The following TULP4 variants were observed in gnomAD, a reference collection of about 807,000 sequenced individuals.
The protein encoded by TULP4 is TUB like protein 4.
Under a neutral mutation model 129.0 loss-of-function variants are expected in TULP4, and 16 were observed. That is an observed-to-expected ratio of 0.12 (90% confidence interval 0.08 to 0.19). The LOEUF is 0.19. Among genes scored for constraint, TULP4 ranks in the 10% least tolerant of loss-of-function variants. The pLI, the probability that TULP4 is intolerant of heterozygous loss-of-function variation, is 1.00. For missense variants in TULP4, 1,842 were observed against 2,059.1 expected (o/e 0.89, Z 2.04); for synonymous variants, 998 against 854.0 (o/e 1.17, Z -2.94).
At chr6:158,287,966 A>T (rs1054938808) in intron 1 of TULP4, among the ~76,000 whole-genome samples, 2 of 152,172 alleles carry the variant, frequency 1.3e-5, no homozygotes, top group African/African-American at 4.8e-5. Flanking sequence ...CCTTTAGCCC[A>T]CTGGCAAAAC....
chr6:158,380,910 A>AAAAAGAAG (rs779845034), intron 1 of TULP4, among the ~76,000 whole-genome samples: 2 of 135,136 alleles, frequency 1.5e-5, no homozygotes, highest in African/African-American at 5.1e-5. Flanking sequence ...AAAAAAAAAA[A>AAAAAGAAG]AAGAAGAAGA....
At chr6:158,448,263 C>T (rs1467998027) in intron 3 of TULP4, among the ~76,000 whole-genome samples, 1 of 152,114 alleles carries the variant, frequency 6.6e-6, no homozygotes, top group Non-Finnish European at 1.5e-5. Context: ...GAGGAGCAGC[C>T]CTCAGCACAC....
intron 1 of TULP4, among the ~76,000 whole-genome samples, chr6:158,322,814 G>A (rs1562519865): frequency 6.6e-6 from 1 of 152,306 alleles, no homozygotes; most frequent in East Asian, 1.9e-4. Context: ...TAGCATGAGG[G>A]TGAAACGTGG....
intron 1 of TULP4, among the ~76,000 whole-genome samples, chr6:158,392,327 A>G (rs1777602099): frequency 6.6e-6 from 1 of 152,190 alleles, no homozygotes; most frequent in Admixed American, 6.5e-5. Flanking sequence ...CCCTCCCACA[A>G]CACGTGGGAA....
At chr6:158,277,602 C>T (rs963238943), upstream of TULP4, among the ~76,000 whole-genome samples, 17 of 152,150 alleles carry the variant, frequency 1.1e-4, no homozygotes, top group Non-Finnish European at 2.1e-4. Context: ...AACTCTTGCC[C>T]CATCCCTCCC....
intron 1 of TULP4, among the ~76,000 whole-genome samples, chr6:158,380,474 T>C (rs1235807612): frequency 6.6e-6 from 1 of 152,198 alleles, no homozygotes; most frequent in Non-Finnish European, 1.5e-5. Flanking sequence ...TTGTGTGTAC[T>C]GAAGGGCAGG....
At chr6:158,403,889 A>G (rs1221266438) in intron 1 of TULP4, among the ~76,000 whole-genome samples, 1 of 152,130 alleles carries the variant, frequency 6.6e-6, no homozygotes, top group East Asian at 1.9e-4. Context: ...TAAACTTAGG[A>G]ACTGCATCTA....
At chr6:158,246,729 A>G (rs1305867601) in intron 1 of TULP4, among the ~76,000 whole-genome samples, 1 of 152,180 alleles carries the variant, frequency 6.6e-6, no homozygotes, top group African/African-American at 2.4e-5. Context: ...TTTTCCTTTT[A>G]AATATGGCTA....
chr6:158,254,773 T>G lies in TULP4; in HGVS notation n.68+22470T>G, dbSNP rs192118796. ...GAGACTTGAGTCTGCATCTCCTGAT[T>G]AAAAACTCTGTGTTCCGGCCAGGTG... is the stretch of plus-strand genomic sequence containing the variant. On this transcript the variant is annotated intron_variant and non_coding_transcript_variant, in intron 1 of 1. Transcript: ENST00000620026. 3.0e-3 allele frequency among the ~76,000 whole-genome samples: 453 copies of G among 152,332 alleles called. 1 individual carries two copies. The highest frequency in any genetic ancestry group is 0.01 in the Middle Eastern group (3 of 294).
At chr6:158,283,144 A>C (rs1377894827) in intron 1 of TULP4, among the ~76,000 whole-genome samples, 1 of 151,696 alleles carries the variant, frequency 6.6e-6, no homozygotes, top group African/African-American at 2.4e-5. Context: ...GTCTCAAAAA[A>C]AAAAAAACAA....
chr6:158,387,392 T>G (rs1307983222), intron 1 of TULP4, among the ~76,000 whole-genome samples: 3 of 152,186 alleles, frequency 2.0e-5, no homozygotes, highest in African/African-American at 7.2e-5. Flanking sequence ...AAATTGGGAC[T>G]GTACAGTGGC....
At position 158,507,761 on chromosome 6, in the gene TULP4, A is replaced by C. The variant is rs1371093762; in HGVS notation, c.*1067A>C. ...ATTCTAAAAGTGTGGACAACGCTTGATTTGAAACCACTCCTTTTCTCCTCT... is the reference window on the plus strand; with the variant it reads ...ATTCTAAAAGTGTGGACAACGCTTGCTTTGAAACCACTCCTTTTCTCCTCT... On this transcript the variant is annotated 3_prime_UTR_variant, in exon 14 of 14. Transcript: ENST00000367097. The C allele has an allele frequency of 2.0e-5, 3 of 152,212 alleles. No individual in the cohort carries two copies. The highest frequency in any genetic ancestry group is 2.0e-4 in the Admixed American group (3 of 15,280). 9.4% of individuals were successfully genotyped at this position (152,212 alleles called of 1,614,324 possible). A position where few individuals can be genotyped will look rare whatever the true frequency, so the allele number is the denominator to read the frequency against.
chr6:158,438,446 G>A (rs760279283), intron 3 of TULP4, among the ~76,000 whole-genome samples: 5 of 152,192 alleles, frequency 3.3e-5, no homozygotes, highest in Admixed American at 6.5e-5. Context: ...CTGCAGCACC[G>A]GAGAGGCACG....
At chr6:158,496,365 TG>T (rs1443644525) in intron 11 of TULP4, among the ~76,000 whole-genome samples, 1 of 152,260 alleles carries the variant, frequency 6.6e-6, no homozygotes, top group African/African-American at 2.4e-5. Flanking sequence ...ACAGATTAGA[TG>T]TTAGAAAGAC....
intron 1 of TULP4, among the ~76,000 whole-genome samples, chr6:158,353,957 G>C (rs1780583205): frequency 6.6e-6 from 1 of 152,238 alleles, no homozygotes; most frequent in African/African-American, 2.4e-5. Context: ...CATCTTCTCT[G>C]AATCAGCTGC....
At chr6:158,270,717 T>C (rs551671981) in intron 1 of TULP4, among the ~76,000 whole-genome samples, 1 of 152,354 alleles carries the variant, frequency 6.6e-6, no homozygotes, top group East Asian at 1.9e-4. Flanking sequence ...CAAAATTTCT[T>C]CCTGAAGTTT....
chr6:158,481,139 C>T lies in TULP4; in HGVS notation c.1336C>T (p.Arg446Cys), dbSNP rs1333534414. The change falls in exon 8 of 14, where the codon CGC becomes TGC. Residue 446 changes from arginine (R) to cysteine (C), a missense_variant. Around this residue, in one of 5 missense-constraint regions of TULP4, gnomAD observed 456 missense variants for 534.3 expected, o/e 0.85. Transcript: ENST00000367097. ...CGAGCGGCTGCACTGCACCATGAAG[C>T]GCACAGAGGACGACCCGGAGGTGGG... ...GNERLHCTMK[R>C]TEDDPEVGGP... The T allele has an allele frequency of 6.2e-7, 1 of 1,613,558 alleles. No homozygotes were observed. The highest frequency in any genetic ancestry group is 1.7e-5 in the Admixed American group (1 of 60,016).
chr6:158,365,570 A>G (rs886347564), intron 1 of TULP4, among the ~76,000 whole-genome samples: 11 of 150,202 alleles, frequency 7.3e-5, no homozygotes, highest in Admixed American at 2.7e-4. Context: ...TCCGCCTCGC[A>G]GGTTCACGCC....
intron 1 of TULP4, among the ~76,000 whole-genome samples, chr6:158,340,457 TG>T (rs1277001940): frequency 6.6e-6 from 1 of 152,084 alleles, no homozygotes; most frequent in Non-Finnish European, 1.5e-5. Flanking sequence ...TGAGCGTGTG[TG>T]GGTGTGCATA....
Sources: allele counts gnomAD v4.1 joint callset (sites outside exome capture counted in the v4.1 genomes callset), GRCh38; gene constraint gnomAD v4.1.1; regional missense constraint gnomAD v4.1.1; transcripts MANE v1.5; gene names NCBI Gene and HGNC (gene_info 2026-07-23, HGNC 2026-07-21).